ACSL4: variants seen among roughly 807,000 people sequenced by gnomAD.
ACSL4 encodes the protein acyl-CoA synthetase long chain family member 4, also known as long-chain-fatty-acid--CoA ligase 4.
Under a neutral mutation model 49.1 loss-of-function variants are expected in ACSL4, and 9 were observed. The observed-to-expected ratio is 0.18, with a 90% CI of 0.11 to 0.32. The LOEUF is 0.32. Ranked by LOEUF, ACSL4 falls within the 10% of genes least tolerant of loss-of-function variation. The probability of loss-of-function intolerance (pLI) is 1.00; values close to 1 mark genes in which losing one functional copy is unlikely to be tolerated. For synonymous variants in ACSL4, 191 were observed against 170.3 expected, an observed-to-expected ratio of 1.12 and a Z score of -0.95; for missense variants, 333 against 493.7, an observed-to-expected ratio of 0.67 and a Z score of 3.08.
chrX:109,659,732 C>T (rs1922011188), intron 14 of ACSL4, among the ~76,000 whole-genome samples: 1 of 110,659 alleles, frequency 9.0e-6, no homozygotes, highest in Admixed American at 9.6e-5. Context: ...TATGGAGAAA[C>T]GATCTTTGAC....
intron 1 of ACSL4, among the ~76,000 whole-genome samples, chrX:109,716,635 A>G (rs182434006): frequency 8.9e-6 from 1 of 112,413 alleles, no homozygotes; most frequent in Non-Finnish European, 1.9e-5. Context: ...AACACAGCCA[A>G]CGGAGGTTTC....
intron 1 of ACSL4, among the ~76,000 whole-genome samples, chrX:109,701,376 G>A (rs192587757): frequency 2.8e-5 from 3 of 106,223 alleles, no homozygotes; most frequent in Non-Finnish European, 5.8e-5. Flanking sequence ...ACCACAGCAC[G>A]CCGCTAATTT....
chrX:109,681,617 C>G (rs751575040), intron 4 of ACSL4, among the ~76,000 whole-genome samples: 1 of 111,898 alleles, frequency 8.9e-6, no homozygotes, highest in Non-Finnish European at 1.9e-5. Flanking sequence ...CAGAAACACT[C>G]GCACTGCCAC....
At position 109,674,924 on chromosome X, in the gene ACSL4, T is replaced by C. The variant is rs753145513; in HGVS notation, c.931-451A>G. Reference sequence around the variant, plus strand: ...ACATCAATTAACATCATACTGAAACTCTAATTTGGTAATATTCTAGTTGGT... The same window carrying C: ...ACATCAATTAACATCATACTGAAACCCTAATTTGGTAATATTCTAGTTGGT... On this transcript the variant is annotated intron_variant, in intron 8 of 15. Coordinates refer to ENST00000672401, the MANE Select transcript of ACSL4 (RefSeq NM_001318510.2). Among the ~76,000 whole-genome samples, 3 of 112,066 alleles carry C rather than the reference T, an allele frequency of 2.7e-5. No homozygotes were observed. The East Asian group carries it at 8.3e-4, about 31-fold the overall frequency.
intron 15 of ACSL4, among the ~76,000 whole-genome samples, chrX:109,645,238 G>T (rs1934617291): frequency 1.8e-5 from 2 of 113,049 alleles, no homozygotes; most frequent in Admixed American, 1.9e-4. Context: ...CAAACAAAAA[G>T]ACAGCAGTAA....
chrX:109,675,148 C>A (rs1001382763), intron 8 of ACSL4, among the ~76,000 whole-genome samples: 1 of 112,555 alleles, frequency 8.9e-6, no homozygotes, highest in African/African-American at 3.2e-5. Context: ...TACACAGAAA[C>A]CATGTACACC....
At chrX:109,658,533 A>T (rs774023627) in intron 15 of ACSL4, among the ~76,000 whole-genome samples, 1 of 111,957 alleles carries the variant, frequency 8.9e-6, no homozygotes, top group Non-Finnish European at 1.9e-5. Context: ...GTACTACACA[A>T]CTTGGCCTCT....
At chrX:109,690,161 A>G (rs1924932569) in intron 2 of ACSL4, among the ~76,000 whole-genome samples, 2 of 112,453 alleles carry the variant, frequency 1.8e-5, no homozygotes, top group African/African-American at 6.5e-5. Flanking sequence ...AGAGTTGGAA[A>G]AGATTGGTGT....
intron 2 of ACSL4, among the ~76,000 whole-genome samples, chrX:109,684,393 T>C (rs1924424254): frequency 8.9e-6 from 1 of 112,562 alleles, no homozygotes; most frequent in East Asian, 2.8e-4. Flanking sequence ...TCACACAAGA[T>C]AGATCCAGTA....
intron 1 of ACSL4, among the ~76,000 whole-genome samples, chrX:109,709,406 T>G (rs1327914971): frequency 8.9e-6 from 1 of 112,645 alleles, no homozygotes; most frequent in Non-Finnish European, 1.9e-5. Context: ...TCCAATCAAC[T>G]GTGCTATCAC....
chrX:109,665,141 C>T (rs763246086), intron 12 of ACSL4, among the ~76,000 whole-genome samples: 3 of 111,411 alleles, frequency 2.7e-5, no homozygotes, highest in Non-Finnish European at 5.7e-5. Context: ...TTCAAGGATC[C>T]TCACCTTCTC....
chrX:109,707,050 A>G (rs759512142), intron 1 of ACSL4, among the ~76,000 whole-genome samples: 2 of 112,431 alleles, frequency 1.8e-5, no homozygotes, highest in African/African-American at 6.5e-5. Flanking sequence ...GGAGAAAAAA[A>G]TAGCACTTTC....
chrX:109,644,822 C>T lies in ACSL4; in HGVS notation c.1856-636G>A, dbSNP rs372454495. On this transcript the variant is annotated intron_variant, in intron 15 of 15. Coordinates refer to ENST00000672401, the MANE Select transcript of ACSL4 (RefSeq NM_001318510.2). ...CAGTGGGCGCAGGTCAGTGGGTGTG[C>T]GCACCATGCGCGAGCCGAAGCAGGG... Among the ~76,000 whole-genome samples the T allele has an allele frequency of 1.9e-3, 215 of 113,110 alleles. 4 individuals carry two copies. The East Asian group carries it at 0.049, about 26-fold the overall frequency.
At chrX:109,692,032 T>A (rs1925076560) in intron 2 of ACSL4, 1 of 111,873 alleles carries the variant, frequency 8.9e-6, no homozygotes, top group Admixed American at 9.6e-5. Context: ...GTTTACTTCA[T>A]CACCTGGAGA....
intron 1 of ACSL4, among the ~76,000 whole-genome samples, chrX:109,725,787 T>C (rs1352146540): frequency 8.9e-6 from 1 of 111,817 alleles, no homozygotes. Flanking sequence ...TAGATTTTTA[T>C]ATTTTTTCCA....
rs149863978 is a variant in ACSL4 at position 109,727,531 on chromosome X, C to T, written c.-66+5608G>A. 7.2e-3 allele frequency among the ~76,000 whole-genome samples: 810 copies of T among 111,785 alleles called. 7 individuals carry two copies. The highest frequency in any genetic ancestry group is 0.051 in the Middle Eastern group (11 of 214). On this transcript the variant is annotated intron_variant, in intron 1 of 15. Coordinates refer to ENST00000672401, the MANE Select transcript of ACSL4 (RefSeq NM_001318510.2). ...AACCGTCTCAACTCTCTATGCATTCCTTATTGCTGCTCCTAGACCACAGTG... is the reference window on the plus strand; with the variant it reads ...AACCGTCTCAACTCTCTATGCATTCTTTATTGCTGCTCCTAGACCACAGTG...
chrX:109,664,739 T>C (rs1922490976), intron 12 of ACSL4, among the ~76,000 whole-genome samples: 1 of 112,128 alleles, frequency 8.9e-6, no homozygotes, highest in African/African-American at 3.2e-5. Flanking sequence ...AAGGTAAATA[T>C]TCTCTTTTAA....
At chrX:109,649,501 C>G (rs1386322575) in intron 15 of ACSL4, among the ~76,000 whole-genome samples, 25 of 111,911 alleles carry the variant, frequency 2.2e-4, no homozygotes, top group African/African-American at 7.8e-4. Flanking sequence ...GGATCCCTTC[C>G]TTACACCTTA....
intron 1 of ACSL4, among the ~76,000 whole-genome samples, chrX:109,729,054 CA>C (rs34694513): frequency 0.03 from 2,774 of 91,967 alleles, 94 homozygotes; most frequent in African/African-American, 0.1. Flanking sequence ...ACTAAAAATA[CA>C]AAAAAAAAAA....
Sources: allele counts gnomAD v4.1 joint callset (sites outside exome capture counted in the v4.1 genomes callset), GRCh38; gene constraint gnomAD v4.1.1; transcripts MANE v1.5; gene names NCBI Gene and HGNC (gene_info 2026-07-23, HGNC 2026-07-21).